The following LGR4 variants were observed in gnomAD, a reference collection of about 807,000 sequenced individuals.
LGR4 encodes the protein leucine rich repeat containing G protein-coupled receptor 4.
A neutral mutation model predicts 84.8 loss-of-function variants in LGR4; 44 were observed. The ratio of observed to expected loss-of-function variants is 0.52; its 90% CI spans 0.41 to 0.67. The LOEUF is 0.67. LGR4 is among the 30% of genes least tolerant of loss of function. LGR4 has a pLI of 0.00. For missense variants in LGR4, 1,032 were observed against 1,131.4 expected (o/e 0.91, Z 1.26); for synonymous variants, 429 against 434.3 (o/e 0.99, Z 0.15).
chr11:27,401,033 T>C (rs1368531020), intron 2 of LGR4, among the ~76,000 whole-genome samples: 1 of 152,200 alleles, frequency 6.6e-6, no homozygotes. Flanking sequence ...ATATAACTCT[T>C]ATGAAAGTAT....
chr11:27,417,378 T>C (rs1863840774), intron 1 of LGR4, among the ~76,000 whole-genome samples: 1 of 152,142 alleles, frequency 6.6e-6, no homozygotes, highest in Non-Finnish European at 1.5e-5. Context: ...TCCAGGGTCT[T>C]TGGTAATCAA....
intron 1 of LGR4, among the ~76,000 whole-genome samples, chr11:27,459,588 T>A (rs1253212518): frequency 6.6e-6 from 1 of 151,890 alleles, no homozygotes; most frequent in East Asian, 2.0e-4. Context: ...GTGATTCTCC[T>A]GCCTCATCCT....
At chr11:27,373,349 A>G (rs575929985) in intron 15 of LGR4, 3 of 446,342 alleles carry the variant, frequency 6.7e-6, no homozygotes, top group African/African-American at 4.0e-5. Context: ...GAGGCCATCA[A>G]GGGCTCCAGT....
At position 27,472,225 on chromosome 11, in the gene LGR4, C is replaced by G; in HGVS notation, c.78G>C (p.Pro26=). 1 of 1,262,428 alleles carries G rather than the reference C, an allele frequency of 7.9e-7. No individual in the cohort carries two copies. The highest frequency in any genetic ancestry group is 1.0e-6 in the Non-Finnish European group (1 of 994,502). The allele number at this position is 1,262,428 out of a possible 1,614,324, so 78.2% of individuals were successfully genotyped here. Residue 26 remains proline (P), a synonymous_variant, in exon 1 of 18, where the codon CCG becomes CCC. Coordinates refer to ENST00000379214, the MANE Select transcript of LGR4 (RefSeq NM_018490.5). Reference sequence around the variant, plus strand: ...AGCTGCAGGGCGCCGCGCAGAGAGGCGGCGCCGCGCCGCTGGGCCCGGCCG... The same window carrying G: ...AGCTGCAGGGCGCCGCGCAGAGAGGGGGCGCCGCGCCGCTGGGCCCGGCCG... ...LGSAGPSGAA[P]PLCAAPCSCD... is the part of the protein sequence containing the mutation.
At chr11:27,387,520 C>T (rs1427489186) in intron 4 of LGR4, among the ~76,000 whole-genome samples, 1 of 151,984 alleles carries the variant, frequency 6.6e-6, no homozygotes, top group East Asian at 1.9e-4. Context: ...GTGTTTTAGG[C>T]AAAGGAAAGA....
rs762010677 is a variant in LGR4 at position 27,415,464 on chromosome 11, G to A, written c.186-2604C>T. 3.9e-5 allele frequency among the ~76,000 whole-genome samples: 6 copies of A among 151,904 alleles called. No individual in the cohort carries two copies. The East Asian group carries it at 5.8e-4, about 15-fold the overall frequency. ...TTTTTTAAAACATGCACACACACAC[G>A]CACAGCTCTGATTTTTTTCCTTATA... On this transcript the variant is annotated intron_variant, in intron 1 of 17. Transcript: ENST00000379214.
chr11:27,419,591 A>AATAT (rs1863886338), intron 1 of LGR4, among the ~76,000 whole-genome samples: 1 of 147,550 alleles, frequency 6.8e-6, no homozygotes, highest in Non-Finnish European at 1.5e-5. Flanking sequence ...TATATGTTTT[A>AATAT]ATATATATGT....
At chr11:27,389,797 T>G (rs1457195013) in intron 4 of LGR4, among the ~76,000 whole-genome samples, 4 of 152,122 alleles carry the variant, frequency 2.6e-5, no homozygotes, top group South Asian at 2.1e-4. Flanking sequence ...TGAGAGAGTG[T>G]GTGAAGTCAG....
chr11:27,401,310 C>T (rs1344261561), intron 2 of LGR4, among the ~76,000 whole-genome samples: 2 of 152,170 alleles, frequency 1.3e-5, no homozygotes, highest in African/African-American at 4.8e-5. Flanking sequence ...TTCACGGAAA[C>T]TTTAAGTTCC....
chr11:27,446,605 A>G (rs1338338973), intron 1 of LGR4, among the ~76,000 whole-genome samples: 2 of 152,228 alleles, frequency 1.3e-5, no homozygotes, highest in African/African-American at 4.8e-5. Flanking sequence ...AACTAGTTCA[A>G]CCATTGTGGA....
At chr11:27,422,258 CTAAT>C (rs1768929012) in intron 1 of LGR4, among the ~76,000 whole-genome samples, 1 of 152,180 alleles carries the variant, frequency 6.6e-6, no homozygotes, top group Admixed American at 6.5e-5. Context: ...GGTAAATATT[CTAAT>C]TAACTAAATG....
chr11:27,378,555 C>T (rs1590346213), intron 11 of LGR4, 142 bp downstream of exon 11: 1 of 666,912 alleles, frequency 1.5e-6, no homozygotes, highest in Non-Finnish European at 2.6e-6. Flanking sequence ...GGAGATGACT[C>T]AAATATCTGC....
At chr11:27,396,482 A>G (rs924568710) in intron 2 of LGR4, among the ~76,000 whole-genome samples, 2 of 152,220 alleles carry the variant, frequency 1.3e-5, no homozygotes, top group Non-Finnish European at 1.5e-5. Context: ...CCCTAAACTC[A>G]GTGAGACTTA....
intron 2 of LGR4, among the ~76,000 whole-genome samples, chr11:27,402,414 G>T (rs1863521111): frequency 8.1e-6 from 1 of 122,856 alleles, no homozygotes; most frequent in Non-Finnish European, 1.7e-5. Context: ...ACACTAGAAA[G>T]TAAGGAGATA....
chr11:27,387,623 T>A lies in LGR4; in HGVS notation c.402-2155A>T, dbSNP rs115566017. Among the ~76,000 whole-genome samples, 479 of 151,756 alleles carry A rather than the reference T, an allele frequency of 3.2e-3. 4 individuals carry two copies. Among genetic ancestry groups the A allele is most frequent in the African/African-American group, 0.011 (451 of 41,362 alleles). On this transcript the variant is annotated intron_variant, in intron 4 of 17. Transcript: ENST00000379214. ...TGATTAAAACACAGGAGGAGGGGAG[T>A]AGAGGGACCAGGGACACACATGTGG...
At chr11:27,428,922 T>A (rs567188618) in intron 1 of LGR4, among the ~76,000 whole-genome samples, 4 of 152,214 alleles carry the variant, frequency 2.6e-5, no homozygotes, top group South Asian at 4.1e-4. Context: ...TTTTTGTCCA[T>A]GTAGCCGGTA....
chr11:27,412,962 G>A (rs1319286805), intron 1 of LGR4, 102 bp from the exon 2 acceptor site: 1 of 779,628 alleles, frequency 1.3e-6, no homozygotes, highest in Non-Finnish European at 2.2e-6. Flanking sequence ...TTGTGAAAGA[G>A]CATAGAAGAC....
At chr11:27,402,227 C>G (rs1863518241) in intron 2 of LGR4, among the ~76,000 whole-genome samples, 1 of 152,088 alleles carries the variant, frequency 6.6e-6, no homozygotes, top group Non-Finnish European at 1.5e-5. Flanking sequence ...GACCTGTGAC[C>G]CCAGCTCTGG....
chr11:27,439,312 T>C (rs1396248686), intron 1 of LGR4, among the ~76,000 whole-genome samples: 1 of 152,236 alleles, frequency 6.6e-6, no homozygotes, highest in Non-Finnish European at 1.5e-5. Flanking sequence ...AATGGAATTA[T>C]ACAGTGTTTC....
Sources: allele counts gnomAD v4.1 joint callset (sites outside exome capture counted in the v4.1 genomes callset), GRCh38; gene constraint gnomAD v4.1.1; transcripts MANE v1.5; gene names NCBI Gene and HGNC (gene_info 2026-07-23, HGNC 2026-07-21).